DNMT3L: variants seen among roughly 807,000 people sequenced by gnomAD.
The protein encoded by DNMT3L is DNA (cytosine-5)-methyltransferase 3-like.
A neutral mutation model predicts 36.2 loss-of-function variants in DNMT3L; 33 were observed. The ratio of observed to expected loss-of-function variants is 0.91; its 90% confidence interval spans 0.69 to 1.22. DNMT3L has a LOEUF of 1.22. DNMT3L is among the 50% of genes most tolerant of loss of function. DNMT3L has a pLI of 0.00. For missense variants in DNMT3L, 310 were observed against 303.1 expected (o/e 1.02, Z -0.17); for synonymous variants, 117 against 121.7 (o/e 0.96, Z 0.26).
chr21:44,256,701 G>T (rs1047627984), intron 6 of DNMT3L, among the ~76,000 whole-genome samples: 2 of 152,092 alleles, frequency 1.3e-5, no homozygotes, highest in African/African-American at 4.8e-5. Context: ...AGAGATGCCG[G>T]GGAGAGGTGA....
In DNMT3L at chr21:44,259,706, A is replaced by G; in HGVS notation, c.157T>C (p.Cys53Arg). 1.9e-6 allele frequency: 3 copies of G among 1,609,992 alleles called. No homozygotes were observed. Among genetic ancestry groups the G allele is most frequent in the Non-Finnish European group, 2.5e-6 (3 of 1,178,000 alleles). The stretch of plus-strand genomic sequence containing the variant: ...ACCTGGAGACTTCCGCAGCAGATGC[A>G]GATGTCTAAAGGAAACATTCAAAGC... ...KANQRNIEDICICCGSLQVHT... is the reference protein window; with the variant it reads ...KANQRNIEDIRICCGSLQVHT... The change falls in exon 4 of 12, where the codon TGC (cysteine) becomes CGC (arginine). Residue 53 changes from cysteine (C) to arginine (R), a missense_variant. By Grantham distance (180) the Cys-to-Arg change is radical (BLOSUM62 -3). Coordinates refer to ENST00000628202, the MANE Select transcript of DNMT3L (RefSeq NM_175867.3).
intron 6 of DNMT3L, among the ~76,000 whole-genome samples, 168 bp from the exon 7 acceptor site, chr21:44,256,322 C>A (rs1449206128): frequency 6.6e-6 from 1 of 151,976 alleles, no homozygotes; most frequent in Non-Finnish European, 1.5e-5. Context: ...CCAGCACTGC[C>A]CCCCCAGGAA....
intron 1 of DNMT3L, among the ~76,000 whole-genome samples, 189 bp from the exon 2 acceptor site, chr21:44,261,455 C>T (rs905447501): frequency 3.3e-5 from 5 of 152,170 alleles, no homozygotes; most frequent in South Asian, 2.1e-4. Flanking sequence ...CAGTGCCAGC[C>T]CTGAGAGGGG....
chr21:44,258,090 G>A lies in DNMT3L; in HGVS notation c.516+433C>T, dbSNP rs967091212. Among the ~76,000 whole-genome samples the A allele has an allele frequency of 6.6e-6, 1 of 152,178 alleles. No individual in the cohort carries two copies. The highest frequency in any genetic ancestry group is 2.4e-5 in the African/African-American group (1 of 41,440). ...AAATAAGATCACATTCACAGGTAAG[G>A]GATGGAGACTTGGATGTCCCTCTCA... On this transcript the variant is annotated intron_variant, in intron 6 of 11. Coordinates refer to ENST00000628202, the MANE Select transcript of DNMT3L (RefSeq NM_175867.3). This position sits in a 1 kb window ranked among gnomAD's most constrained non-coding sequence, Gnocchi z 6.2.
chr21:44,255,431 G>A (rs1375844870), intron 7 of DNMT3L, among the ~76,000 whole-genome samples: 3 of 151,442 alleles, frequency 2.0e-5, no homozygotes, highest in Non-Finnish European at 4.4e-5. Context: ...TGAGGCAGGA[G>A]AATTGGTTGA....
intron 5 of DNMT3L, among the ~76,000 whole-genome samples, 190 bp downstream of exon 5, chr21:44,259,247 G>A (rs1282311607): frequency 6.6e-6 from 1 of 152,026 alleles, no homozygotes; most frequent in Admixed American, 6.5e-5. Context: ...AATCACAATC[G>A]CCAACCGTAG....
chr21:44,261,305 T>C (rs779279069), intron 1 of DNMT3L, 39 bp from the exon 2 acceptor site: 2 of 1,593,200 alleles, frequency 1.3e-6, no homozygotes, highest in East Asian at 4.5e-5. Context: ...GAGAAAGCCG[T>C]CAGCCCCTGC....
At chr21:44,255,129 A>G (rs528731859) in intron 7 of DNMT3L, among the ~76,000 whole-genome samples, 1 of 151,494 alleles carries the variant, frequency 6.6e-6, no homozygotes, top group East Asian at 1.9e-4. Context: ...CACCCCGCCC[A>G]ACTTTATCTT....
chr21:44,254,679 T>C lies in DNMT3L; in HGVS notation c.631A>G (p.Ser211Gly). 6.2e-7 allele frequency: 1 copy of C among 1,613,922 alleles called. No homozygotes were observed. The highest frequency in any genetic ancestry group is 1.1e-5 in the South Asian group (1 of 91,070). ...KELTSLGFLE[S>G]GSDPGQLKHV... ...TTCAGTTGTCCCGGGTCAGAACCAC[T>C]TTCCAAAAAGCCCAAACTCGTCAGC... The change falls in exon 8 of 12, where the codon AGT (serine) becomes GGT (glycine). Residue 211 changes from serine (S) to glycine (G), a missense_variant. Ser to Gly is a moderately conservative substitution (Grantham distance 56). Coordinates refer to ENST00000628202, the MANE Select transcript of DNMT3L (RefSeq NM_175867.3).
chr21:44,259,457 G>A lies in DNMT3L; in HGVS notation c.324C>T (p.Cys108=), dbSNP rs757807037. 19 of 1,613,478 alleles carry A rather than the reference G, an allele frequency of 1.2e-5. No homozygotes were observed. Among genetic ancestry groups the A allele is most frequent in the African/African-American group, 6.7e-5 (5 of 74,908 alleles). The part of the protein sequence containing the change: ...ICCSGETLLI[C]GNPDCTRCYC... ...CTCACCGGGTGCAATCAGGGTTTCCGCAGATGAGCAGCGTCTCTCCGGAGC... is the reference window on the plus strand; with the variant it reads ...CTCACCGGGTGCAATCAGGGTTTCCACAGATGAGCAGCGTCTCTCCGGAGC... Residue 108 remains cysteine, a synonymous_variant, in exon 5 of 12, where the codon TGC becomes TGT. Transcript: ENST00000628202.
At chr21:44,254,782 G>A in intron 7 of DNMT3L, 77 bp from the exon 8 acceptor site, 1 of 1,427,592 alleles carries the variant, frequency 7.0e-7, no homozygotes, top group Non-Finnish European at 9.7e-7. Context: ...AAGGCTGACG[G>A]ACGATCAGAG....
At position 44,258,599 on chromosome 21, in the gene DNMT3L, G is replaced by A. The variant is rs779357204; in HGVS notation, c.440C>T (p.Pro147Leu). The A allele has an allele frequency of 7.4e-6, 12 of 1,611,778 alleles. No homozygotes were observed. Among genetic ancestry groups the A allele is most frequent in the East Asian group, 6.7e-5 (3 of 44,846 alleles). ...MSNWVCYLCL[P>L]SSRSGLLQRR... ...CTGCAGCAGCCCGCTTCGGGAGGAC[G>A]GCAGGCACAGGTAGCACACCCAGTT... Residue 147 changes from proline (P) to leucine (L), a missense_variant, in exon 6 of 12, where the codon CCG becomes CTG. Coordinates refer to ENST00000628202, the MANE Select transcript of DNMT3L (RefSeq NM_175867.3). This position sits in a 1 kb window ranked among gnomAD's most constrained non-coding sequence, Gnocchi z 6.2.
intron 3 of DNMT3L, 96 bp from the exon 4 acceptor site, chr21:44,259,807 T>C (rs902269862): frequency 8.4e-6 from 11 of 1,303,942 alleles, no homozygotes; most frequent in Non-Finnish European, 1.1e-5. Flanking sequence ...ATGAGACTTA[T>C]ACACTGAAAA....
At chr21:44,260,263 G>A (rs1371272851) in intron 3 of DNMT3L, among the ~76,000 whole-genome samples, 4 of 152,138 alleles carry the variant, frequency 2.6e-5, no homozygotes, top group African/African-American at 4.8e-5. Context: ...GTTAAAAGAA[G>A]GGAAGCAAGA....
At chr21:44,255,619 G>C (rs2040251401) in intron 7 of DNMT3L, among the ~76,000 whole-genome samples, 1 of 152,174 alleles carries the variant, frequency 6.6e-6, no homozygotes, top group Non-Finnish European at 1.5e-5. Context: ...CTCTGCAGCT[G>C]GTGTGAGCTG....
intron 5 of DNMT3L, 108 bp downstream of exon 5, chr21:44,259,329 G>T: frequency 1.8e-6 from 2 of 1,137,242 alleles, no homozygotes; most frequent in Non-Finnish European, 2.6e-6. Context: ...AGCTCTCAGG[G>T]AAATCATCCA....
chr21:44,256,006 G>C, intron 7 of DNMT3L, 61 bp downstream of exon 7: 1 of 1,574,514 alleles, frequency 6.4e-7, no homozygotes, highest in South Asian at 1.1e-5. Flanking sequence ...GGTGGCCTGA[G>C]GGGCAGTCAG....
intron 6 of DNMT3L, among the ~76,000 whole-genome samples, chr21:44,257,364 C>T (rs936276940): frequency 6.0e-5 from 9 of 150,098 alleles, no homozygotes; most frequent in African/African-American, 9.8e-5. Context: ...GCAGCAAGAG[C>T]AAAACTCCAT....
chr21:44,255,073 C>A (rs2040246748), intron 7 of DNMT3L, among the ~76,000 whole-genome samples: 1 of 152,054 alleles, frequency 6.6e-6, no homozygotes, highest in Non-Finnish European at 1.5e-5. Flanking sequence ...AATGTTCCGC[C>A]CACTTCAGCC....
Sources: allele counts gnomAD v4.1 joint callset (sites outside exome capture counted in the v4.1 genomes callset), GRCh38; gene constraint gnomAD v4.1.1; non-coding constraint Gnocchi (gnomAD v3.1); transcripts MANE v1.5; gene names NCBI Gene and HGNC (gene_info 2026-07-23, HGNC 2026-07-21).